Variants in CLEC18B observed in about 807,000 individuals in gnomAD.
The protein encoded by CLEC18B is C-type lectin domain family 18 member B.
In CLEC18B, 5 loss-of-function variants were observed where a neutral mutation model predicts 60.4. That is an observed-to-expected ratio of 0.08 (90% CI 0.04 to 0.17). CLEC18B has a LOEUF of 0.17. Among genes scored for constraint, CLEC18B ranks in the 10% least tolerant of loss-of-function variants. CLEC18B has a pLI of 1.00. For missense variants in CLEC18B, 26 were observed against 572.8 expected (o/e 0.05, Z 9.74); for synonymous variants, 16 against 221.2 (o/e 0.07, Z 8.23).
upstream of CLEC18B, among the ~76,000 whole-genome samples, chr16:74,423,647 C>G (rs1436678632): frequency 1.3e-5 from 2 of 148,274 alleles, no homozygotes; most frequent in African/African-American, 5.1e-5. Flanking sequence ...CAAGATGGCA[C>G]CATTGCACTC....
Position 74,413,551 on chromosome 16 carries a change from T to A in CLEC18B, c.554+28A>T, listed in dbSNP as rs776788127. ...AGCACCCCTCCCTGTCTCCCAGACA[T>A]CCCAGCAGAAGGTGTAGCAGGGCTT... On this transcript the variant is annotated intron_variant, in intron 4 of 11. Coordinates refer to ENST00000682950, the MANE Select transcript of CLEC18B (RefSeq NM_001385193.1). 26 of 1,613,950 alleles carry A rather than the reference T, an allele frequency of 1.6e-5. No homozygotes were observed. In the South Asian group the frequency reaches 2.1e-4, roughly 13 times the overall value.
intron 2 of CLEC18B, among the ~76,000 whole-genome samples, chr16:74,419,282 T>C (rs1400151447): frequency 6.6e-6 from 1 of 152,158 alleles, no homozygotes; most frequent in East Asian, 1.9e-4. Context: ...CCAAGCCAAC[T>C]TCATCCTGCA....
intron 3 of CLEC18B, among the ~76,000 whole-genome samples, chr16:74,417,148 C>T (rs1420709518): frequency 6.8e-6 from 1 of 148,130 alleles, no homozygotes; most frequent in Non-Finnish European, 1.5e-5. Flanking sequence ...GCCTGTAGTC[C>T]CAGCTACTTG....
At chr16:74,420,120 C>T (rs1268731441) in intron 2 of CLEC18B, among the ~76,000 whole-genome samples, 3 of 151,946 alleles carry the variant, frequency 2.0e-5, no homozygotes, top group African/African-American at 4.8e-5. Context: ...CAGCCCAGCA[C>T]GACCTTCTCC....
chr16:74,421,652 C>A, upstream of CLEC18B: 1 of 477,412 alleles, frequency 2.1e-6, no homozygotes, highest in Non-Finnish European at 3.6e-6. Flanking sequence ...TCCGGTGCTG[C>A]AGATTAGTGA....
intron 1 of CLEC18B, among the ~76,000 whole-genome samples, chr16:74,420,906 C>T (rs1479994537): frequency 5.8e-5 from 7 of 121,370 alleles, no homozygotes; most frequent in Admixed American, 3.7e-4. Flanking sequence ...CCAGCCACAG[C>T]GCTCCTCGGC....
chr16:74,422,855 C>G (rs1342263779), upstream of CLEC18B, among the ~76,000 whole-genome samples: 1 of 150,912 alleles, frequency 6.6e-6, no homozygotes, highest in Non-Finnish European at 1.5e-5. Flanking sequence ...TTGGTAGAGA[C>G]AGGATTTCAT....
intron 2 of CLEC18B, among the ~76,000 whole-genome samples, chr16:74,420,056 C>T (rs2013609577): frequency 6.6e-6 from 1 of 152,272 alleles, no homozygotes; most frequent in South Asian, 2.1e-4. Flanking sequence ...GTCCTAGTGG[C>T]TCAGATAAGC....
chr16:74,418,784 C>T (rs1451074766), intron 2 of CLEC18B, among the ~76,000 whole-genome samples: 9 of 151,812 alleles, frequency 5.9e-5, no homozygotes, highest in African/African-American at 1.5e-4. Flanking sequence ...CAGCTGACCC[C>T]GCCCCCTCCC....
chr16:74,421,640 A>G, upstream of CLEC18B: 1 of 513,774 alleles, frequency 1.9e-6, no homozygotes, highest in South Asian at 2.2e-5. Flanking sequence ...GCCTGGGGAC[A>G]TTCCGGTGCT....
upstream of CLEC18B, chr16:74,422,385 G>A (rs1218631827): frequency 6.6e-6 from 1 of 152,098 alleles, no homozygotes; most frequent in Non-Finnish European, 1.5e-5. Context: ...CCTGGCCCCT[G>A]AGCCCACACC....
intron 2 of CLEC18B, among the ~76,000 whole-genome samples, chr16:74,419,261 G>A (rs1185259348): frequency 2.6e-5 from 4 of 152,052 alleles, no homozygotes; most frequent in Non-Finnish European, 4.4e-5. Flanking sequence ...GGGGCCCCTC[G>A]GGGCTGCACC....
At chr16:74,411,354 G>A (rs2013144698) in intron 8 of CLEC18B, 1 of 709,612 alleles carries the variant, frequency 1.4e-6, no homozygotes, top group Non-Finnish European at 2.3e-6. Context: ...GTGGTTTCGA[G>A]AGTTGCCAGT....
chr16:74,415,924 C>A (rs1299985659), intron 3 of CLEC18B, among the ~76,000 whole-genome samples: 2 of 151,586 alleles, frequency 1.3e-5, no homozygotes, highest in African/African-American at 4.8e-5. Context: ...CCACCAACAA[C>A]AAAACAGAGT....
intron 3 of CLEC18B, among the ~76,000 whole-genome samples, chr16:74,414,302 T>A (rs1237869556): frequency 6.6e-6 from 1 of 152,294 alleles, no homozygotes; most frequent in African/African-American, 2.4e-5. Flanking sequence ...GACTGCATGG[T>A]GACCACAACC....
intron 3 of CLEC18B, 140 bp from the exon 4 acceptor site, chr16:74,413,816 G>C: frequency 7.2e-7 from 1 of 1,397,124 alleles, no homozygotes; most frequent in Non-Finnish European, 1.0e-6. Flanking sequence ...CCTGGGCAGG[G>C]GTAGAAGCAT....
intron 3 of CLEC18B, among the ~76,000 whole-genome samples, chr16:74,414,332 C>A (rs1354122786): frequency 6.6e-6 from 1 of 152,254 alleles, no homozygotes; most frequent in East Asian, 1.9e-4. Context: ...TTGCAGTAGG[C>A]CACTCCTTTA....
At chr16:74,420,033 A>T (rs1387342158) in intron 2 of CLEC18B, among the ~76,000 whole-genome samples, 6 of 152,284 alleles carry the variant, frequency 3.9e-5, no homozygotes. Flanking sequence ...AGCAGAGAAC[A>T]TGGGCAAGGC....
chr16:74,413,383 TC>T (rs2013271164), intron 4 of CLEC18B, among the ~76,000 whole-genome samples, 195 bp downstream of exon 4: 2 of 152,380 alleles, frequency 1.3e-5, no homozygotes, highest in South Asian at 4.1e-4. Context: ...GGAAGGGACA[TC>T]CGCAGAGCAG....
Sources: allele counts gnomAD v4.1 joint callset (sites outside exome capture counted in the v4.1 genomes callset), GRCh38; gene constraint gnomAD v4.1.1; transcripts MANE v1.5; gene names NCBI Gene and HGNC (gene_info 2026-07-23, HGNC 2026-07-21).